Variants in KPNA3 observed in about 807,000 individuals in gnomAD.
The protein encoded by KPNA3 is karyopherin subunit alpha 3, also known as importin subunit alpha-4.
A neutral mutation model predicts 73.8 loss-of-function variants in KPNA3; 13 were observed. That is an observed-to-expected ratio of 0.18 (90% confidence interval 0.11 to 0.28). The LOEUF (loss-of-function observed/expected upper bound fraction) is 0.28, where lower values mean the gene tolerates loss of function less well. Ranked by LOEUF, KPNA3 falls within the 10% of genes least tolerant of loss-of-function variation. The pLI is 1.00. For synonymous variants in KPNA3, 186 were observed against 206.9 expected (o/e 0.90, Z 0.87); for missense variants, 360 against 618.1 (o/e 0.58, Z 4.43).
chr13:49,728,199 C>G (rs535474311), intron 6 of KPNA3, among the ~76,000 whole-genome samples: 4 of 149,094 alleles, frequency 2.7e-5, no homozygotes, highest in Non-Finnish European at 4.4e-5. Flanking sequence ...CGTGCCACTG[C>G]ACTCCAGCCT....
intron 2 of KPNA3, among the ~76,000 whole-genome samples, chr13:49,734,224 C>T (rs1954498457): frequency 6.6e-6 from 1 of 152,168 alleles, no homozygotes; most frequent in Non-Finnish European, 1.5e-5. Context: ...TCCTACTGTT[C>T]ATTTTTAGGT....
At chr13:49,760,980 T>C (rs1488320376) in intron 1 of KPNA3, among the ~76,000 whole-genome samples, 1 of 152,106 alleles carries the variant, frequency 6.6e-6, no homozygotes, top group Non-Finnish European at 1.5e-5. Flanking sequence ...CGTTGGCAAG[T>C]GTGATAATGG....
At chr13:49,787,341 TGCAAGGTTTTAAAGTATAGAAATA>T (rs1275479877) in intron 1 of KPNA3, among the ~76,000 whole-genome samples, 1 of 152,214 alleles carries the variant, frequency 6.6e-6, no homozygotes, top group Non-Finnish European at 1.5e-5. Context: ...ATCAAAAATT[TGCAAGGTTTTAAAGTATAGAAATA>T]GCAATTTCTG....
chr13:49,701,845 A>G lies in KPNA3; in HGVS notation c.1521T>C (p.Asn507=). 6.2e-7 allele frequency: 1 copy of G among 1,613,742 alleles called. No homozygotes were observed. The highest frequency in any genetic ancestry group is 8.5e-7 in the Non-Finnish European group (1 of 1,179,650). Residue 507 remains asparagine, a synonymous_variant, in exon 17 of 17, where the codon AAT becomes AAC. Coordinates refer to ENST00000261667, the MANE Select transcript of KPNA3 (RefSeq NM_002267.4). ...IPEATQGGTY[N]FDPTANLQTK... ...TTTGAAGGTTGGCTGTTGGATCAAA[A>G]TTGTAGGTACCTCCTTGTGTTGCTT... is the stretch of plus-strand genomic sequence containing the variant.
intron 10 of KPNA3, among the ~76,000 whole-genome samples, chr13:49,717,710 T>C (rs1049652545): frequency 6.6e-6 from 1 of 152,204 alleles, no homozygotes; most frequent in Non-Finnish European, 1.5e-5. Flanking sequence ...ACAAGAATTT[T>C]GTAAGAATTA....
chr13:49,757,204 A>G (rs1012516053), intron 1 of KPNA3, among the ~76,000 whole-genome samples: 3 of 152,136 alleles, frequency 2.0e-5, no homozygotes, highest in Non-Finnish European at 4.4e-5. Context: ...TCAAAATAAA[A>G]AACTATTTTG....
intron 1 of KPNA3, among the ~76,000 whole-genome samples, chr13:49,770,848 A>AG (rs1283461312): frequency 0.01 from 1,498 of 148,058 alleles, 22 homozygotes; most frequent in African/African-American, 0.036. Context: ...AAAAAAAAAA[A>AG]AAAAGAAAAG....
At chr13:49,743,684 CACA>C (rs1212897090) in intron 2 of KPNA3, among the ~76,000 whole-genome samples, 6 of 151,332 alleles carry the variant, frequency 4.0e-5, no homozygotes, top group African/African-American at 1.2e-4. Flanking sequence ...GAGAAGGCAG[CACA>C]ACAACAGGAG....
At chr13:49,757,078 T>C (rs1954717729) in intron 1 of KPNA3, among the ~76,000 whole-genome samples, 1 of 152,118 alleles carries the variant, frequency 6.6e-6, no homozygotes, top group Non-Finnish European at 1.5e-5. Flanking sequence ...AACTATAAAC[T>C]TTTAGGAAAA....
intron 1 of KPNA3, among the ~76,000 whole-genome samples, chr13:49,762,209 C>G (rs1954771531): frequency 6.7e-6 from 1 of 149,582 alleles, no homozygotes; most frequent in South Asian, 2.1e-4. Flanking sequence ...TGGAGGGCAG[C>G]CCCCGCCCGG....
At chr13:49,747,746 AATG>A (rs879399427) in intron 1 of KPNA3, among the ~76,000 whole-genome samples, 5 of 152,224 alleles carry the variant, frequency 3.3e-5, no homozygotes, top group African/African-American at 4.8e-5. Flanking sequence ...TTATACTTTA[AATG>A]ATGAGCTACA....
intron 10 of KPNA3, among the ~76,000 whole-genome samples, chr13:49,717,440 G>GAA (rs61581557): frequency 0.69 from 87,074 of 126,592 alleles, 30,937 homozygotes; most frequent in Non-Finnish European, 0.79. Flanking sequence ...GGAAAAAAAA[G>GAA]AAAAAAAAAA....
intron 1 of KPNA3, among the ~76,000 whole-genome samples, chr13:49,759,439 A>G (rs1954739584): frequency 6.6e-6 from 1 of 152,198 alleles, no homozygotes; most frequent in Non-Finnish European, 1.5e-5. Context: ...GGATGATTCA[A>G]GTGCATGACA....
At chr13:49,717,949 T>C (rs1458103145) in intron 10 of KPNA3, among the ~76,000 whole-genome samples, 1 of 152,212 alleles carries the variant, frequency 6.6e-6, no homozygotes, top group East Asian at 1.9e-4. Context: ...TTTTTTCTTG[T>C]TGGCTTTCAT....
intron 6 of KPNA3, among the ~76,000 whole-genome samples, chr13:49,729,758 C>T (rs1047503809): frequency 5.3e-5 from 8 of 151,980 alleles, no homozygotes; most frequent in Non-Finnish European, 1.2e-4. Context: ...CCAGCCTGGG[C>T]AACAGAGCGA....
chr13:49,702,981 G>A lies in KPNA3; in HGVS notation c.1373-501C>T, dbSNP rs987076624. ...CCTCCTGGGTTCATGCCATTCTCCC[G>A]CCTAAGCCTCCCAAGTAGCTGGGAC... On this transcript the variant is annotated intron_variant, in intron 15 of 16. Transcript: ENST00000261667. Among the ~76,000 whole-genome samples the A allele has an allele frequency of 2.6e-5, 4 of 151,090 alleles. No homozygotes were observed. The East Asian group carries it at 5.9e-4, about 22-fold the overall frequency.
chr13:49,731,645 G>T (rs1041972026), intron 6 of KPNA3, among the ~76,000 whole-genome samples: 1 of 152,026 alleles, frequency 6.6e-6, no homozygotes, highest in African/African-American at 2.4e-5. Context: ...CCAAGTTTCA[G>T]TCTAGATGCT....
chr13:49,771,734 G>A (rs1954857838), intron 1 of KPNA3, among the ~76,000 whole-genome samples: 1 of 152,134 alleles, frequency 6.6e-6, no homozygotes, highest in South Asian at 2.1e-4. Flanking sequence ...GTTCACTGTG[G>A]TCTTGACTTC....
At chr13:49,757,785 C>T (rs546247323) in intron 1 of KPNA3, among the ~76,000 whole-genome samples, 29 of 152,268 alleles carry the variant, frequency 1.9e-4, no homozygotes, top group Non-Finnish European at 3.7e-4. Context: ...GTATCCTTCA[C>T]GCTTAAACTG....
Sources: allele counts gnomAD v4.1 joint callset (sites outside exome capture counted in the v4.1 genomes callset), GRCh38; gene constraint gnomAD v4.1.1; transcripts MANE v1.5; gene names NCBI Gene and HGNC (gene_info 2026-07-23, HGNC 2026-07-21).